Variants in SOX6 observed in about 807,000 individuals in gnomAD.
SOX6 encodes transcription factor SOX-6.
In SOX6, 11 loss-of-function variants were observed where a neutral mutation model predicts 97.8. The observed-to-expected ratio is 0.11, with a 90% CI of 0.07 to 0.19. SOX6 has a LOEUF of 0.19. Ranked by LOEUF, SOX6 falls within the 10% of genes least tolerant of loss-of-function variation. The probability of loss-of-function intolerance (pLI) is 1.00; values close to 1 mark genes in which losing one functional copy is unlikely to be tolerated. For missense variants in SOX6, 810 were observed against 1,039.5 expected (o/e 0.78, Z 3.04); for synonymous variants, 360 against 371.4 (o/e 0.97, Z 0.35).
chr11:16,366,758 T>A (rs1484331873), intron 1 of SOX6, among the ~76,000 whole-genome samples: 3 of 140,590 alleles, frequency 2.1e-5, no homozygotes, highest in Non-Finnish European at 4.8e-5. Flanking sequence ...ATTTGCAAAT[T>A]TTCTATCTGG....
At chr11:16,099,914 C>T (rs1848899827) in intron 7 of SOX6, among the ~76,000 whole-genome samples, 2 of 151,666 alleles carry the variant, frequency 1.3e-5, no homozygotes, top group African/African-American at 2.4e-5. Flanking sequence ...TTCTCCATAA[C>T]ATATCATTGT....
chr11:16,580,001 T>C (rs1335493910), intron 4 of SOX6, among the ~76,000 whole-genome samples: 2 of 152,158 alleles, frequency 1.3e-5, no homozygotes, highest in East Asian at 3.8e-4. Flanking sequence ...TTGTTAACTT[T>C]ATAGACCTGT....
intron 6 of SOX6, among the ~76,000 whole-genome samples, chr11:16,170,870 C>T (rs940022949): frequency 7.9e-5 from 12 of 151,934 alleles, no homozygotes; most frequent in Non-Finnish European, 1.5e-5. Flanking sequence ...ATACTGTCCC[C>T]TGCTTCATTT....
rs148524954 is a variant in SOX6 at position 16,518,629 on chromosome 11, G to A, written n.610-42241C>T. 1.3e-4 allele frequency among the ~76,000 whole-genome samples: 20 copies of A among 152,082 alleles called. No homozygotes were observed. The East Asian group carries it at 2.5e-3, about 19-fold the overall frequency. ...GAAGTTAAAAATGGAAAATCCTTAC[G>A]CAAACAAACTTTATCCAGAAAAATC... On this transcript the variant is annotated intron_variant and non_coding_transcript_variant, in intron 4 of 5. Transcript: ENST00000524520.
chr11:16,386,030 T>C (rs1192691847), intron 1 of SOX6, among the ~76,000 whole-genome samples: 1 of 152,200 alleles, frequency 6.6e-6, no homozygotes, highest in Non-Finnish European at 1.5e-5. Context: ...CCCTTGAGTA[T>C]GGCTCTCAAG....
chr11:16,031,901 C>T (rs1855386345), intron 12 of SOX6, among the ~76,000 whole-genome samples: 1 of 151,594 alleles, frequency 6.6e-6, no homozygotes, highest in Non-Finnish European at 1.5e-5. Context: ...CCACAACCTC[C>T]AGAATAGAAG....
chr11:16,548,118 C>A (rs1263220297), intron 4 of SOX6, among the ~76,000 whole-genome samples: 2 of 152,066 alleles, frequency 1.3e-5, no homozygotes, highest in African/African-American at 4.8e-5. Context: ...GACCATAAAA[C>A]AACATCTTTA....
At chr11:16,523,919 C>A (rs867543312) in intron 4 of SOX6, among the ~76,000 whole-genome samples, 2 of 152,156 alleles carry the variant, frequency 1.3e-5, no homozygotes, top group African/African-American at 4.8e-5. Flanking sequence ...TACACCCTCC[C>A]AAGACTAAAC....
intron 7 of SOX6, among the ~76,000 whole-genome samples, chr11:16,099,245 T>A: frequency 6.6e-6 from 1 of 151,860 alleles, no homozygotes; most frequent in East Asian, 1.9e-4. Flanking sequence ...ATGAGCTTTT[T>A]AAAAAAGATA....
At chr11:16,008,449 T>C (rs1471851238) in intron 13 of SOX6, among the ~76,000 whole-genome samples, 1 of 152,076 alleles carries the variant, frequency 6.6e-6, no homozygotes, top group Non-Finnish European at 1.5e-5. Flanking sequence ...GGCAGCCCAA[T>C]GAGAAACCAG....
intron 3 of SOX6, among the ~76,000 whole-genome samples, chr11:16,631,729 T>C (rs982707685): frequency 1.3e-5 from 2 of 152,182 alleles, no homozygotes; most frequent in East Asian, 1.9e-4. Context: ...AATTCATAGG[T>C]TTGGTTGCTT....
chr11:16,265,699 C>T (rs1265436566), intron 3 of SOX6, among the ~76,000 whole-genome samples: 3 of 151,634 alleles, frequency 2.0e-5, no homozygotes, highest in African/African-American at 4.8e-5. Context: ...TACATGTTTG[C>T]TAAGCTAGTA....
chr11:16,156,531 A>G (rs529000877), intron 6 of SOX6, among the ~76,000 whole-genome samples: 1 of 152,122 alleles, frequency 6.6e-6, no homozygotes, highest in South Asian at 2.1e-4. Context: ...ATCTACCTGA[A>G]TAATTCAGCA....
chr11:16,295,195 T>C (rs774834125), intron 3 of SOX6, among the ~76,000 whole-genome samples: 2 of 152,120 alleles, frequency 1.3e-5, no homozygotes, highest in Non-Finnish European at 2.9e-5. Context: ...TATGCTATTT[T>C]TTCAAATCAA....
rs909562641 is a variant in SOX6, at chr11:16,613,879, A to C, written n.430-1619T>G. 1.3e-5 allele frequency among the ~76,000 whole-genome samples: 2 copies of C among 152,126 alleles called. No homozygotes were observed. Among genetic ancestry groups the C allele is most frequent in the African/African-American group, 4.8e-5 (2 of 41,438 alleles). ...AGCTAGGGGCTGTAGAGACGAACCCAGCTGACACTGGCCCAGCAGCCTTGG... is the reference window on the plus strand; with the variant it reads ...AGCTAGGGGCTGTAGAGACGAACCCCGCTGACACTGGCCCAGCAGCCTTGG... On this transcript the variant is annotated intron_variant and non_coding_transcript_variant, in intron 3 of 5. Transcript: ENST00000524520. This position sits in a 1 kb window ranked among gnomAD's most constrained non-coding sequence, Gnocchi z 4.6.
At chr11:16,215,939 A>G (rs1341994556) in intron 4 of SOX6, among the ~76,000 whole-genome samples, 2 of 152,188 alleles carry the variant, frequency 1.3e-5, no homozygotes, top group Non-Finnish European at 2.9e-5. Context: ...ATGTGTTCCA[A>G]TAATGTCTAG....
chr11:16,011,167 T>C (rs374335087), intron 13 of SOX6, among the ~76,000 whole-genome samples: 8 of 152,024 alleles, frequency 5.3e-5, no homozygotes, highest in African/African-American at 1.9e-4. Flanking sequence ...GGAAATGCCA[T>C]ACGAAAAGTC....
rs990851430 is a variant in SOX6 at position 16,144,724 on chromosome 11, C to T, written c.778-32801G>A. On this transcript the variant is annotated intron_variant, in intron 6 of 15. Transcript: ENST00000683767. The stretch of plus-strand genomic sequence containing the variant: ...CCATCAGAGAATATTATCAACAACT[C>T]TATGCAAATAAACTAGAAAATCTAG... 3.5e-4 allele frequency among the ~76,000 whole-genome samples: 54 copies of T among 152,326 alleles called. 1 individual carries two copies. The highest frequency in any genetic ancestry group is 1.6e-4 in the Non-Finnish European group (11 of 68,038).
chr11:16,490,343 C>T (rs1182473705), intron 4 of SOX6, among the ~76,000 whole-genome samples: 1 of 151,992 alleles, frequency 6.6e-6, no homozygotes, highest in Admixed American at 6.6e-5. Flanking sequence ...ATCTAAATAG[C>T]TCTCTTATCT....
Sources: gnomAD v4.1 joint callset for allele counts (sites outside exome capture counted in the v4.1 genomes callset) on GRCh38, gnomAD v4.1.1 for gene constraint, Gnocchi (gnomAD v3.1) non-coding constraint, MANE v1.5 for transcripts, NCBI Gene and HGNC (gene_info 2026-07-23, HGNC 2026-07-21) for gene names.